The following B3GALT1 variants were observed in gnomAD, a reference collection of about 807,000 sequenced individuals.
The protein encoded by B3GALT1 is beta-1,3-galactosyltransferase 1.
B3GALT1 carries 10 observed loss-of-function variants against 23.2 expected under a neutral mutation model. The ratio of observed to expected loss-of-function variants is 0.43; its 90% CI spans 0.27 to 0.73. The LOEUF is 0.73. B3GALT1 is among the 30% of genes least tolerant of loss of function. B3GALT1 has a pLI of 0.21. For synonymous variants in B3GALT1, 156 were observed against 141.5 expected, an observed-to-expected ratio of 1.10 and a Z score of -0.73; for missense variants, 299 against 405.4, an observed-to-expected ratio of 0.74 and a Z score of 2.25.
chr2:167,331,851 G>A (rs940848325), intron 1 of B3GALT1, among the ~76,000 whole-genome samples: 3 of 152,188 alleles, frequency 2.0e-5, no homozygotes, highest in Admixed American at 1.3e-4. Flanking sequence ...TTCCCTGGGA[G>A]CAGCCATAGG....
chr2:167,615,759 A>G (rs1327127294), intron 2 of B3GALT1, among the ~76,000 whole-genome samples: 1 of 152,132 alleles, frequency 6.6e-6, no homozygotes, highest in African/African-American at 2.4e-5. Flanking sequence ...AGTGTTTAGC[A>G]CGTGTCATGC....
intron 1 of B3GALT1, among the ~76,000 whole-genome samples, chr2:167,414,842 A>T (rs1031009610): frequency 6.6e-6 from 1 of 152,194 alleles, no homozygotes; most frequent in African/African-American, 2.4e-5. Context: ...TAACAATCTC[A>T]GTAGCCGTAG....
At chr2:167,721,032 C>G (rs187793013) in intron 3 of B3GALT1, among the ~76,000 whole-genome samples, 1 of 151,824 alleles carries the variant, frequency 6.6e-6, no homozygotes, top group Non-Finnish European at 1.5e-5. Flanking sequence ...TTTCTCTCTC[C>G]CTCTCTCCCC....
intron 2 of B3GALT1, among the ~76,000 whole-genome samples, chr2:167,634,010 G>A (rs976103695): frequency 2.0e-5 from 3 of 152,116 alleles, no homozygotes; most frequent in African/African-American, 7.2e-5. Context: ...AGACCACAGT[G>A]CAATCAAATT....
intron 4 of B3GALT1, among the ~76,000 whole-genome samples, chr2:167,853,393 T>A (rs1444092457): frequency 6.6e-6 from 1 of 152,158 alleles, no homozygotes; most frequent in Admixed American, 6.6e-5. Flanking sequence ...TCAAATATTG[T>A]CTCTTCCATG....
At chr2:167,812,389 A>C (rs1188624427) in intron 3 of B3GALT1, among the ~76,000 whole-genome samples, 1 of 152,236 alleles carries the variant, frequency 6.6e-6, no homozygotes, top group Non-Finnish European at 1.5e-5. Context: ...GTATGTAAAA[A>C]GTTTGACAGC....
At chr2:167,356,694 C>T (rs1697417691) in intron 1 of B3GALT1, among the ~76,000 whole-genome samples, 1 of 151,892 alleles carries the variant, frequency 6.6e-6, no homozygotes. Flanking sequence ...TTAACCTTGG[C>T]TTCAGGGTAA....
intron 1 of B3GALT1, among the ~76,000 whole-genome samples, chr2:167,303,676 CACACACAG>C (rs1419256892): frequency 3.7e-5 from 4 of 108,602 alleles, no homozygotes; most frequent in South Asian, 2.6e-4. Context: ...CACACACACA[CACACACAG>C]AGAGAGACCT....
intron 1 of B3GALT1, among the ~76,000 whole-genome samples, chr2:167,422,218 C>T (rs1039512394): frequency 1.3e-5 from 2 of 151,912 alleles, no homozygotes; most frequent in African/African-American, 2.4e-5. Flanking sequence ...CTCTCTCTCT[C>T]CCCCGCCCGC....
At chr2:167,744,470 C>A (rs1679045207) in intron 3 of B3GALT1, among the ~76,000 whole-genome samples, 1 of 152,194 alleles carries the variant, frequency 6.6e-6, no homozygotes, top group African/African-American at 2.4e-5. Flanking sequence ...TTCCTATTCT[C>A]AAAGGCTTTT....
chr2:167,415,684 A>G (rs1207399450), intron 1 of B3GALT1, among the ~76,000 whole-genome samples: 1 of 152,192 alleles, frequency 6.6e-6, no homozygotes, highest in African/African-American at 2.4e-5. Context: ...AGTTGTGACC[A>G]GAATACTGAT....
chr2:167,608,946 GTCTC>G lies in B3GALT1; in HGVS notation c.-409-37960_-409-37957del, dbSNP rs1428551299. 1.5e-4 allele frequency among the ~76,000 whole-genome samples: 23 copies of G among 152,202 alleles called. 1 individual carries two copies. Among genetic ancestry groups the G allele is most frequent in the African/African-American group, 4.8e-4 (20 of 41,526 alleles). The stretch of plus-strand genomic sequence containing the variant: ...ATTTGGTCTCATCTGCCTTGTAAAA[GTCTC>G]TCATTGACTCAGTGATGGGATCAGC... On this transcript the variant is annotated intron_variant, in intron 2 of 4. Coordinates refer to ENST00000392690, the MANE Select transcript of B3GALT1 (RefSeq NM_020981.4).
intron 2 of B3GALT1, among the ~76,000 whole-genome samples, chr2:167,530,815 A>G (rs1012370972): frequency 8.5e-5 from 13 of 152,202 alleles, no homozygotes; most frequent in Non-Finnish European, 1.5e-4. Context: ...AAATCAAGTC[A>G]GATTTAATCA....
intron 1 of B3GALT1, among the ~76,000 whole-genome samples, chr2:167,342,439 A>G (rs1187367134): frequency 6.6e-6 from 1 of 151,956 alleles, no homozygotes; most frequent in East Asian, 1.9e-4. Context: ...AATACAAAAA[A>G]ATTAGCCTGG....
intron 1 of B3GALT1, among the ~76,000 whole-genome samples, chr2:167,420,973 C>G (rs1160672478): frequency 2.6e-5 from 4 of 152,110 alleles, no homozygotes; most frequent in African/African-American, 9.7e-5. Flanking sequence ...ACCAGCTAGA[C>G]ATATTTAAGT....
intron 2 of B3GALT1, among the ~76,000 whole-genome samples, chr2:167,493,584 C>T (rs976533644): frequency 6.6e-6 from 1 of 152,094 alleles, no homozygotes; most frequent in African/African-American, 2.4e-5. Context: ...TTTTTATGTG[C>T]AAAGGAGAGT....
intron 1 of B3GALT1, among the ~76,000 whole-genome samples, chr2:167,299,159 A>G (rs964119666): frequency 1.3e-5 from 2 of 152,174 alleles, no homozygotes; most frequent in Admixed American, 1.3e-4. Flanking sequence ...GATGTTTCCT[A>G]GACACATATA....
intron 4 of B3GALT1, among the ~76,000 whole-genome samples, chr2:167,840,864 A>T (rs1389577175): frequency 1.4e-5 from 2 of 147,798 alleles, no homozygotes; most frequent in Non-Finnish European, 3.0e-5. Flanking sequence ...TGATGAGTTC[A>T]TGTCCTTTGT....
intron 1 of B3GALT1, among the ~76,000 whole-genome samples, chr2:167,341,372 A>T (rs1478742284): frequency 1.3e-5 from 2 of 152,128 alleles, no homozygotes; most frequent in Admixed American, 6.6e-5. Context: ...GTAAAAATAA[A>T]GATTACTGCC....
Sources: gnomAD v4.1 joint callset for allele counts (sites outside exome capture counted in the v4.1 genomes callset) on GRCh38, gnomAD v4.1.1 for gene constraint, MANE v1.5 for transcripts, NCBI Gene and HGNC (gene_info 2026-07-23, HGNC 2026-07-21) for gene names.